Variants in HMG20A observed in about 807,000 individuals in gnomAD.
HMG20A encodes the protein high mobility group protein 20A.
A neutral mutation model predicts 43.9 loss-of-function variants in HMG20A; 17 were observed. That is an observed-to-expected ratio of 0.39 (90% CI 0.27 to 0.58). The LOEUF (loss-of-function observed/expected upper bound fraction) is 0.58. Ranked by LOEUF, HMG20A falls within the 20% of genes least tolerant of loss-of-function variation. The pLI, the probability that HMG20A is intolerant of heterozygous loss-of-function variation, is 0.59. For synonymous variants in HMG20A, 132 were observed against 147.5 expected, an observed-to-expected ratio of 0.89 and a Z score of 0.76; for missense variants, 341 against 438.2, an observed-to-expected ratio of 0.78 and a Z score of 1.98.
chr15:77,468,309 A>C (rs1324920829), intron 4 of HMG20A, among the ~76,000 whole-genome samples: 1 of 152,222 alleles, frequency 6.6e-6, no homozygotes, highest in South Asian at 2.1e-4. Context: ...AAATGTATAA[A>C]CAAAAATGTA....
At chr15:77,486,408 A>G (rs1212004711), downstream of HMG20A, among the ~76,000 whole-genome samples, 2 of 151,950 alleles carry the variant, frequency 1.3e-5, no homozygotes, top group East Asian at 3.9e-4. Context: ...TTACAGGTGC[A>G]CGCCACCATG....
chr15:77,459,711 A>G (rs758063409), intron 2 of HMG20A, among the ~76,000 whole-genome samples: 2 of 152,228 alleles, frequency 1.3e-5, no homozygotes, highest in Admixed American at 1.3e-4. Flanking sequence ...CCAGGAGGAC[A>G]GTGTGACTAG....
intron 1 of HMG20A, among the ~76,000 whole-genome samples, chr15:77,435,838 A>G (rs1028810130): frequency 5.4e-5 from 8 of 148,632 alleles, no homozygotes; most frequent in African/African-American, 2.0e-4. Context: ...TTTTCTTGAG[A>G]TAGTCTGACA....
chr15:77,506,468 G>C, the HMG20A span, among the ~76,000 whole-genome samples: 2 of 152,182 alleles, frequency 1.3e-5, no homozygotes, highest in Non-Finnish European at 2.9e-5. Flanking sequence ...TCTGCACCAA[G>C]ACAGACCTGG....
chr15:77,426,789 G>A lies in HMG20A; in HGVS notation c.-5+5785G>A, dbSNP rs552630842. ...ATGGAGCCAGAAGAAAGAAGCAAGAGGTGTGAAAGCAAGGAAATGATCATT... is the reference window on the plus strand; with the variant it reads ...ATGGAGCCAGAAGAAAGAAGCAAGAAGTGTGAAAGCAAGGAAATGATCATT... On this transcript the variant is annotated intron_variant, in intron 1 of 9. Coordinates refer to ENST00000336216, the MANE Select transcript of HMG20A (RefSeq NM_001304504.2). Among the ~76,000 whole-genome samples the A allele has an allele frequency of 2.2e-4, 33 of 152,218 alleles. 1 individual carries two copies. In the South Asian group the frequency reaches 5.0e-3, roughly 23 times the overall value.
At chr15:77,471,675 G>T (rs1371918243) in intron 5 of HMG20A, 108 bp from the exon 6 acceptor site, 1 of 715,680 alleles carries the variant, frequency 1.4e-6, no homozygotes, top group Non-Finnish European at 2.4e-6. Flanking sequence ...TATGTTATGA[G>T]AATCTACATA....
chr15:77,494,250 C>T, the HMG20A span, among the ~76,000 whole-genome samples: 5 of 152,162 alleles, frequency 3.3e-5, no homozygotes, highest in Non-Finnish European at 5.9e-5. Context: ...CCACCTCAGT[C>T]TCCCAAGTAG....
chr15:77,478,551 G>A, intron 8 of HMG20A, 41 bp downstream of exon 8: 1 of 1,521,622 alleles, frequency 6.6e-7, no homozygotes, highest in Non-Finnish European at 9.0e-7. Flanking sequence ...ACAGGGGTGT[G>A]TGTGTTGTGT....
At chr15:77,426,593 A>G (rs951333125) in intron 1 of HMG20A, among the ~76,000 whole-genome samples, 3 of 152,174 alleles carry the variant, frequency 2.0e-5, no homozygotes, top group African/African-American at 7.2e-5. Context: ...CAAGTGGTGG[A>G]GGCAGAAGAA....
downstream of HMG20A, among the ~76,000 whole-genome samples, chr15:77,488,229 C>G (rs560410824): frequency 3.9e-5 from 6 of 152,314 alleles, no homozygotes; most frequent in African/African-American, 1.2e-4. Context: ...TTGAATCTCT[C>G]TCTCACACAC....
At position 77,485,407 on chromosome 15, in the gene HMG20A, C is replaced by G. The variant is rs2072939276; in HGVS notation, c.*2444C>G. 1 of 152,590 alleles carries G rather than the reference C, an allele frequency of 6.6e-6. No individual in the cohort carries two copies. Among genetic ancestry groups the G allele is most frequent in the African/African-American group, 2.4e-5 (1 of 41,444 alleles). The allele number at this position is 152,590 out of a possible 1,614,324, so 9.5% of individuals were successfully genotyped here. A position where few individuals can be genotyped will look rare whatever the true frequency, so the allele number is the denominator to read the frequency against. On this transcript the variant is annotated 3_prime_UTR_variant, in exon 10 of 10. Transcript: ENST00000336216. ...TTCTTTTTAATTAAAATACAAGAAG[C>G]AGCTGAGGAAAGGGAGACAAGGTAT... is the stretch of plus-strand genomic sequence containing the variant.
chr15:77,428,918 G>A (rs1290084371), intron 1 of HMG20A, among the ~76,000 whole-genome samples: 1 of 150,002 alleles, frequency 6.7e-6, no homozygotes. Context: ...AGCTGTTATC[G>A]AGCCACTGCA....
intron 1 of HMG20A, among the ~76,000 whole-genome samples, chr15:77,447,195 G>A (rs1034546906): frequency 3.3e-5 from 5 of 152,172 alleles, no homozygotes; most frequent in Admixed American, 2.0e-4. Flanking sequence ...TAAAAGCAGT[G>A]CTTAGATTGC....
chr15:77,500,229 A>C, the HMG20A span, among the ~76,000 whole-genome samples: 4 of 152,222 alleles, frequency 2.6e-5, no homozygotes, highest in African/African-American at 9.6e-5. Context: ...GCATGAAACT[A>C]AGATGAAACT....
At position 77,483,679 on chromosome 15, in the gene HMG20A, C is replaced by T. The variant is rs1191857416; in HGVS notation, c.*716C>T. Reference sequence around the variant, plus strand: ...CTGCCCTAAAGGAGAATGCTCTTTCCTTCCTCACTGGTACTGCCTGCTGTT... The same window carrying T: ...CTGCCCTAAAGGAGAATGCTCTTTCTTTCCTCACTGGTACTGCCTGCTGTT... On this transcript the variant is annotated 3_prime_UTR_variant, in exon 10 of 10. Coordinates refer to ENST00000336216, the MANE Select transcript of HMG20A (RefSeq NM_001304504.2). The T allele has an allele frequency of 1.3e-5, 2 of 152,822 alleles. No homozygotes were observed. Among genetic ancestry groups the T allele is most frequent in the Non-Finnish European group, 2.9e-5 (2 of 68,200 alleles). 9.5% of individuals were successfully genotyped at this position (152,822 alleles called of 1,614,324 possible). A position where few individuals can be genotyped will look rare whatever the true frequency, so the allele number is the denominator to read the frequency against.
At chr15:77,488,907 C>T (rs1365491872), downstream of HMG20A, among the ~76,000 whole-genome samples, 30 of 152,226 alleles carry the variant, frequency 2.0e-4, no homozygotes, top group Admixed American at 2.0e-3. Flanking sequence ...CATGGGATCA[C>T]AATAAAGATA....
the HMG20A span, among the ~76,000 whole-genome samples, chr15:77,498,631 T>G: frequency 1.3e-5 from 2 of 152,210 alleles, no homozygotes; most frequent in Non-Finnish European, 2.9e-5. Context: ...TTGTTAGCAC[T>G]GGTGCAGCCT....
intron 1 of HMG20A, among the ~76,000 whole-genome samples, chr15:77,448,805 C>T (rs749346467): frequency 2.6e-5 from 4 of 152,022 alleles, no homozygotes; most frequent in Middle Eastern, 3.4e-3. Context: ...ATAATAAGGC[C>T]GGGCGCGGTG....
chr15:77,425,149 C>T (rs925251124), intron 1 of HMG20A, among the ~76,000 whole-genome samples: 2 of 152,192 alleles, frequency 1.3e-5, no homozygotes, highest in Non-Finnish European at 2.9e-5. Context: ...CCAAACTGTA[C>T]ACGTTCTGTC....
Sources: gnomAD v4.1 joint callset for allele counts (sites outside exome capture counted in the v4.1 genomes callset) on GRCh38, gnomAD v4.1.1 for gene constraint, MANE v1.5 for transcripts, NCBI Gene and HGNC (gene_info 2026-07-23, HGNC 2026-07-21) for gene names.